Variants in CACNA1E observed in about 807,000 individuals in gnomAD.
The protein encoded by CACNA1E is voltage-dependent R-type calcium channel subunit alpha-1E.
In CACNA1E, 40 loss-of-function variants were observed where a neutral mutation model predicts 259.2. The observed-to-expected ratio is 0.15, with a 90% CI of 0.12 to 0.20. The LOEUF (loss-of-function observed/expected upper bound fraction) is 0.20. CACNA1E is among the 10% of genes least tolerant of loss of function. The probability of loss-of-function intolerance (pLI) is 1.00; values close to 1 mark genes in which losing one functional copy is unlikely to be tolerated. For synonymous variants in CACNA1E, 1,104 were observed against 1,138.5 expected (o/e 0.97, Z 0.61); for missense variants, 1,874 against 3,040.1 (o/e 0.62, Z 9.02).
intron 11 of CACNA1E, 114 bp downstream of exon 11, chr1:181,717,416 A>G: frequency 1.2e-6 from 1 of 824,534 alleles, no homozygotes; most frequent in Non-Finnish European, 2.0e-6. Context: ...CTACCTCTTC[A>G]CGCTGTGAGG....
At position 181,737,517 on chromosome 1, in the gene CACNA1E, G is replaced by C. The variant is rs765922588; in HGVS notation, c.3423-8G>C. ...GTGGGCCAGCTCAGCCATGCCCACTGCCCGCAGGATCCGGAGGGCCTGCCA... is the reference window on the plus strand; with the variant it reads ...GTGGGCCAGCTCAGCCATGCCCACTCCCCGCAGGATCCGGAGGGCCTGCCA... On this transcript the variant is annotated splice_region_variant and splice_polypyrimidine_tract_variant and intron_variant, in intron 22 of 47. Transcript: ENST00000367573. 6.2e-7 allele frequency: 1 copy of C among 1,613,558 alleles called. No homozygotes were observed. The highest frequency in any genetic ancestry group is 1.3e-5 in the African/African-American group (1 of 75,050).
At chr1:181,595,814 C>T (rs905773128) in intron 6 of CACNA1E, among the ~76,000 whole-genome samples, 2 of 152,346 alleles carry the variant, frequency 1.3e-5, no homozygotes, top group Non-Finnish European at 1.5e-5. Context: ...GAACACTAAA[C>T]TTGCCTGCCT....
chr1:181,675,392 G>A (rs886648748), intron 7 of CACNA1E, among the ~76,000 whole-genome samples: 6 of 152,160 alleles, frequency 3.9e-5, no homozygotes, highest in Non-Finnish European at 7.4e-5. Flanking sequence ...TGCTAAGAGC[G>A]TGTGAGAAAA....
At chr1:181,443,186 A>G (rs1264422893) in intron 2 of CACNA1E, among the ~76,000 whole-genome samples, 2 of 152,208 alleles carry the variant, frequency 1.3e-5, no homozygotes, top group African/African-American at 4.8e-5. Context: ...CACTTTCTCT[A>G]CTTTACAGAA....
chr1:181,500,086 A>T (rs1223959623), intron 1 of CACNA1E, among the ~76,000 whole-genome samples: 2 of 152,196 alleles, frequency 1.3e-5, no homozygotes, highest in Non-Finnish European at 2.9e-5. Context: ...GATGGACCAG[A>T]CATCCTGAAT....
chr1:181,539,491 A>C (rs1668422366), intron 3 of CACNA1E, among the ~76,000 whole-genome samples: 1 of 152,196 alleles, frequency 6.6e-6, no homozygotes. Flanking sequence ...GAAGAAATGG[A>C]AGGTTGATCC....
chr1:181,425,710 C>T (rs889315532), intron 2 of CACNA1E, among the ~76,000 whole-genome samples: 1 of 152,108 alleles, frequency 6.6e-6, no homozygotes, highest in African/African-American at 2.4e-5. Context: ...CGCTCATACC[C>T]CAGCCACACT....
intron 1 of CACNA1E, among the ~76,000 whole-genome samples, chr1:181,320,801 C>A (rs3894266): frequency 2.0e-5 from 3 of 151,938 alleles, no homozygotes; most frequent in African/African-American, 7.3e-5. Flanking sequence ...GTCCTTAACT[C>A]ATGTTACCCC....
chr1:181,700,117 A>G (rs1342610038), intron 7 of CACNA1E, among the ~76,000 whole-genome samples: 2 of 152,092 alleles, frequency 1.3e-5, no homozygotes, highest in African/African-American at 4.8e-5. Context: ...GCCCTGGGGC[A>G]CTCCAATGTC....
At chr1:181,612,532 T>TA (rs1654842044) in intron 6 of CACNA1E, among the ~76,000 whole-genome samples, 1 of 152,180 alleles carries the variant, frequency 6.6e-6, no homozygotes, top group Non-Finnish European at 1.5e-5. Context: ...CTGGAGTAGA[T>TA]AGAGTTTACT....
chr1:181,485,235 AG>A lies in CACNA1E; in HGVS notation c.266+1226del, dbSNP rs1247638772. On this transcript the variant is annotated intron_variant, in intron 1 of 47. Transcript: ENST00000367573. The surrounding 1 kb of genome is among the most constrained non-coding windows in gnomAD (Gnocchi z 4.2). Reference sequence around the variant, plus strand: ...TCCCACCCCCACCGTCCAGGTGTGCAGCAGTGAGGCAGCTGGAGCTGCCTTG... The same window carrying A: ...TCCCACCCCCACCGTCCAGGTGTGCACAGTGAGGCAGCTGGAGCTGCCTTG... Among the ~76,000 whole-genome samples the A allele has an allele frequency of 6.6e-6, 1 of 152,012 alleles. No homozygotes were observed. Among genetic ancestry groups the A allele is most frequent in the African/African-American group, 2.4e-5 (1 of 41,394 alleles).
chr1:181,367,014 C>T (rs573366473), intron 1 of CACNA1E, among the ~76,000 whole-genome samples: 15 of 152,182 alleles, frequency 9.9e-5, no homozygotes, highest in Non-Finnish European at 1.9e-4. Context: ...AGGAGGCCTT[C>T]CCTGCCTAAC....
At chr1:181,349,282 C>A (rs1652846679) in intron 1 of CACNA1E, among the ~76,000 whole-genome samples, 1 of 152,242 alleles carries the variant, frequency 6.6e-6, no homozygotes, top group South Asian at 2.1e-4. Context: ...GTCAACTAAA[C>A]CTGGACTCAA....
chr1:181,487,918 C>T (rs1039005810), intron 1 of CACNA1E, among the ~76,000 whole-genome samples: 1 of 152,166 alleles, frequency 6.6e-6, no homozygotes, highest in Non-Finnish European at 1.5e-5. Flanking sequence ...GAACATGCTT[C>T]GTGTGGAAAT....
intron 1 of CACNA1E, among the ~76,000 whole-genome samples, chr1:181,363,188 TCTCAAGGGTA>T (rs1487252350): frequency 6.6e-6 from 1 of 152,170 alleles, no homozygotes; most frequent in Non-Finnish European, 1.5e-5. Context: ...TCATCCCTGC[TCTCAAGGGTA>T]CTCACAATCT....
chr1:181,752,395 G>A (rs1657675598), intron 27 of CACNA1E, among the ~76,000 whole-genome samples, 156 bp downstream of exon 27: 1 of 152,190 alleles, frequency 6.6e-6, no homozygotes, highest in African/African-American at 2.4e-5. Flanking sequence ...AAAGGTCTTA[G>A]TTTCAAAGGA....
At chr1:181,389,737 G>A (rs1479315008) in intron 1 of CACNA1E, among the ~76,000 whole-genome samples, 4 of 152,210 alleles carry the variant, frequency 2.6e-5, no homozygotes, top group Non-Finnish European at 5.9e-5. Context: ...AGCCATGTCT[G>A]GCACAGTGTT....
At chr1:181,508,486 A>C (rs1266366350) in intron 1 of CACNA1E, among the ~76,000 whole-genome samples, 1 of 152,194 alleles carries the variant, frequency 6.6e-6, no homozygotes, top group Non-Finnish European at 1.5e-5. Flanking sequence ...TTTAATTTGC[A>C]GGATGAGTCT....
intron 3 of CACNA1E, among the ~76,000 whole-genome samples, chr1:181,519,578 CTTAT>C: frequency 6.6e-6 from 1 of 152,202 alleles, no homozygotes; most frequent in Non-Finnish European, 1.5e-5. Flanking sequence ...CTTTCCCTTA[CTTAT>C]TATTTTTTTC....
Sources: allele counts gnomAD v4.1 joint callset (sites outside exome capture counted in the v4.1 genomes callset), GRCh38; gene constraint gnomAD v4.1.1; non-coding constraint Gnocchi (gnomAD v3.1); transcripts MANE v1.5; gene names NCBI Gene and HGNC (gene_info 2026-07-23, HGNC 2026-07-21).